NPM3: variants seen among roughly 807,000 people sequenced by gnomAD.
The protein encoded by NPM3 is nucleophosmin/nucleoplasmin 3.
NPM3 carries 12 observed loss-of-function variants against 18.1 expected under a neutral mutation model. The observed-to-expected ratio is 0.66, with a 90% CI of 0.42 to 1.07. NPM3 has a LOEUF of 1.07. Among genes scored for constraint, NPM3 ranks in the 50% least tolerant of loss-of-function variants. NPM3 has a pLI of 0.00. For synonymous variants in NPM3, 116 were observed against 93.7 expected, an observed-to-expected ratio of 1.24 and a Z score of -1.38; for missense variants, 274 against 232.1, an observed-to-expected ratio of 1.18 and a Z score of -1.17.
At chr10:101,781,888 G>A (rs2135011960) in intron 4 of NPM3, 34 bp from the exon 5 acceptor site, 2 of 1,614,118 alleles carry the variant, frequency 1.2e-6, no homozygotes, top group African/African-American at 1.3e-5. Context: ...AGGATGGGGT[G>A]TTAAGACCAG....
intron 1 of NPM3, 123 bp downstream of exon 1, chr10:101,783,150 C>G (rs2065156302): frequency 1.1e-6 from 1 of 883,284 alleles, no homozygotes; most frequent in African/African-American, 1.7e-5. Flanking sequence ...GGCCCCCTCT[C>G]CTGCGGGAAC....
At chr10:101,783,170 GCCCTCCGCCCACACCCACGCCTTGAAA>G in intron 1 of NPM3, 76 bp downstream of exon 1, 3 of 961,266 alleles carry the variant, frequency 3.1e-6, no homozygotes, top group Non-Finnish European at 4.8e-6. Context: ...CAGCGAAGCA[GCCCTCCGCCCACACCCACGCCTTGAAA>G]CCCTCCGCAT....
chr10:101,781,628 C>G (rs541562597), exon 6 of NPM3: 346 of 1,211,502 alleles, frequency 2.9e-4, no homozygotes, highest in Non-Finnish European at 3.6e-4. Flanking sequence ...GCACATGGAG[C>G]TGACCTGAAA....
Position 101,781,899 on chromosome 10 carries a change from AC to A in NPM3, c.419-46del, listed in dbSNP as rs775622517. 3.2e-5 allele frequency: 51 copies of A among 1,613,804 alleles called. 1 individual carries two copies. Among genetic ancestry groups the A allele is most frequent in the Middle Eastern group, 3.3e-4 (2 of 6,084 alleles). ...TAGAAGGATGGGGTGTTAAGACCAG[AC>A]CGTTTCACACCGCATGCCATTTCTT... On this transcript the variant is annotated intron_variant, in intron 4 of 5. Transcript: ENST00000370110.
chr10:101,781,607 G>A (rs1482563253), exon 6 of NPM3: 2 of 921,072 alleles, frequency 2.2e-6, no homozygotes, highest in Non-Finnish European at 3.3e-6. Context: ...CAGGGTGCAT[G>A]GCGGTGCATG....
intron 1 of NPM3, 138 bp downstream of exon 1, chr10:101,783,135 T>G: frequency 1.2e-6 from 1 of 834,736 alleles, no homozygotes; most frequent in Non-Finnish European, 1.9e-6. Flanking sequence ...TGGCTGTGCG[T>G]GCGAGGCCCC....
Position 101,782,375 on chromosome 10 carries a change from G to C in NPM3, c.325-24C>G, listed in dbSNP as rs778483639. 4.3e-6 allele frequency: 7 copies of C among 1,611,498 alleles called. No individual in the cohort carries two copies. In the African/African-American group the frequency reaches 8.0e-5, roughly 18 times the overall value. On this transcript the variant is annotated intron_variant, in intron 3 of 5. Coordinates refer to ENST00000370110, the Ensembl canonical transcript of NPM3. ...AGCTGGGAGGAAGACAAGGATGAAG[G>C]CCTGGCCCACTCCTAGCCCACCCCA... is the stretch of plus-strand genomic sequence containing the variant.
At chr10:101,782,345 G>A (rs562305258) in exon 4 of NPM3, 61 of 1,613,722 alleles carry the variant, frequency 3.8e-5, no homozygotes, top group Middle Eastern at 1.6e-4. Flanking sequence ...AAGTCATCCA[G>A]ACTGAGCTGG....
At position 101,782,308 on chromosome 10, in the gene NPM3, C is replaced by A; in HGVS notation, c.368G>T (p.Arg123Leu). 1 of 1,613,936 alleles carries A rather than the reference C, an allele frequency of 6.2e-7. No homozygotes were observed. The highest frequency in any genetic ancestry group is 8.5e-7 in the Non-Finnish European group (1 of 1,179,960). Residue 123 changes from arginine (R) to leucine (L), a missense_variant, in exon 4 of 6, where the codon CGC (arginine) becomes CTC (leucine). Transcript: ENST00000370110. ...CACAGGGCCAGAGCCCGACTTCAGG[C>A]GGAAGGTTACAGGTGGTTGGAGCTG...
chr10:101,783,215 T>A, intron 1 of NPM3, 58 bp downstream of exon 1: 1 of 1,295,104 alleles, frequency 7.7e-7, no homozygotes, highest in Non-Finnish European at 1.1e-6. Flanking sequence ...CATTCCCGCC[T>A]CACATCCCTA....
Position 101,782,491 on chromosome 10 carries a change from G to A in NPM3, c.311C>T (p.Ser104Phe). The change falls in exon 3 of 6, where the codon TCC becomes TTC. Residue 104 changes from serine to phenylalanine, a missense_variant. Ser to Phe is a radical substitution (Grantham distance 155). Transcript: ENST00000370110. Reference sequence around the variant, plus strand: ...TGGGGAACTCACCATGGGTTGGCAGGACAGCTTGAGGTTGGCCACAGGGAC... The same window carrying A: ...TGGGGAACTCACCATGGGTTGGCAGAACAGCTTGAGGTTGGCCACAGGGAC... 2 of 1,612,402 alleles carry A rather than the reference G, an allele frequency of 1.2e-6. No individual in the cohort carries two copies. The highest frequency in any genetic ancestry group is 1.7e-6 in the Non-Finnish European group (2 of 1,179,180).
intron 2 of NPM3, 71 bp downstream of exon 2, chr10:101,782,768 C>T (rs1317159548): frequency 1.3e-6 from 2 of 1,581,122 alleles, no homozygotes; most frequent in East Asian, 2.3e-5. Flanking sequence ...AAAGGGGATC[C>T]GGAGGTTGGG....
At chr10:101,782,803 G>A (rs763865518) in intron 2 of NPM3, 36 bp downstream of exon 2, 3 of 1,607,626 alleles carry the variant, frequency 1.9e-6, no homozygotes, top group Non-Finnish European at 2.6e-6. Context: ...GCCTGCCTGG[G>A]CTTATTCATT....
intron 1 of NPM3, 83 bp from the exon 2 acceptor site, chr10:101,783,007 A>G: frequency 7.7e-7 from 1 of 1,301,662 alleles, no homozygotes; most frequent in Non-Finnish European, 1.1e-6. Context: ...CGTCACGTGT[A>G]ACCTTGGGCG....
chr10:101,782,164 A>T, intron 4 of NPM3, 94 bp downstream of exon 4: 1 of 1,133,916 alleles, frequency 8.8e-7, no homozygotes, highest in Non-Finnish European at 1.3e-6. Flanking sequence ...CTGCACTGGG[A>T]GATGAGGGTG....
chr10:101,782,274 A>T (rs781694665), exon 4 of NPM3: 14 of 1,613,642 alleles, frequency 8.7e-6, no homozygotes, highest in Middle Eastern at 1.6e-4. Context: ...GGTGCCGCCC[A>T]GTGATCCGCA....
exon 1 of NPM3, chr10:101,783,373 T>C (rs201419118): frequency 6.2e-7 from 1 of 1,610,492 alleles, no homozygotes; most frequent in Non-Finnish European, 8.5e-7. Flanking sequence ...CTAAGGCAGC[T>C]GCAGTACCGG....
At chr10:101,781,360 T>A (rs2065138831) in exon 6 of NPM3, 2 of 219,144 alleles carry the variant, frequency 9.1e-6, no homozygotes. Flanking sequence ...TCAACCTTTA[T>A]CCAAAAATGT....
exon 3 of NPM3, chr10:101,782,496 C>T: frequency 6.2e-7 from 1 of 1,612,952 alleles, no homozygotes. Flanking sequence ...GGCAGGACAG[C>T]TTGAGGTTGG....
Sources: allele counts gnomAD v4.1 joint callset, GRCh38; gene constraint gnomAD v4.1.1; transcripts MANE v1.5; gene names NCBI Gene and HGNC (gene_info 2026-07-23, HGNC 2026-07-21).